YY1: variants seen among roughly 807,000 people sequenced by gnomAD.
YY1 encodes YY1 transcription factor.
Under a neutral mutation model 35.6 loss-of-function variants are expected in YY1, and 2 were observed. That is an observed-to-expected ratio of 0.06 (90% CI 0.02 to 0.18). The LOEUF (loss-of-function observed/expected upper bound fraction) is 0.18, where lower values mean the gene tolerates loss of function less well. Ranked by LOEUF, YY1 falls within the 10% of genes least tolerant of loss-of-function variation. The pLI, the probability that YY1 is intolerant of heterozygous loss-of-function variation, is 1.00. For synonymous variants in YY1, 268 were observed against 238.9 expected, an observed-to-expected ratio of 1.12 and a Z score of -1.12; for missense variants, 322 against 573.4, an observed-to-expected ratio of 0.56 and a Z score of 4.48.
intron 1 of YY1, among the ~76,000 whole-genome samples, chr14:100,248,105 C>T (rs1032109950): frequency 9.2e-5 from 11 of 119,484 alleles, no homozygotes; most frequent in African/African-American, 2.3e-4. Context: ...CCACCACGCC[C>T]GGCTAATTTT....
In YY1 at chr14:100,239,410, G is replaced by C. The variant is rs1320953843; in HGVS notation, c.166G>C (p.Gly56Arg). ...EEDDDDEDGGGGDHGGGGGHG... is the reference protein window; with the variant it reads ...EEDDDDEDGGRGDHGGGGGHG... Reference sequence around the variant, plus strand: ...GGACGACGACGACGAGGACGGCGGCGGTGGCGACCACGGCGGCGGGGGCGG... The same window carrying C: ...GGACGACGACGACGAGGACGGCGGCCGTGGCGACCACGGCGGCGGGGGCGG... Residue 56 changes from glycine (G) to arginine (R), a missense_variant, in exon 1 of 5, where the codon GGT (glycine) becomes CGT (arginine). Physicochemically the swap from Gly to Arg is moderately radical, Grantham distance 125. Around this residue, in one of 4 missense-constraint regions of YY1, gnomAD observed 137 missense variants for 167.0 expected, o/e 0.82. Coordinates refer to ENST00000262238, the MANE Select transcript of YY1 (RefSeq NM_003403.5). 1.3e-6 allele frequency: 2 copies of C among 1,596,812 alleles called. No individual in the cohort carries two copies. The highest frequency in any genetic ancestry group is 1.7e-6 in the Non-Finnish European group (2 of 1,173,016).
intron 2 of YY1, among the ~76,000 whole-genome samples, chr14:100,269,719 A>G (rs1365094220): frequency 1.3e-5 from 2 of 152,214 alleles, no homozygotes; most frequent in Admixed American, 1.3e-4. Flanking sequence ...TTTGCCAAGG[A>G]GCTTAAGAGT....
At chr14:100,275,643 G>C (rs943120408) in intron 3 of YY1, 3 of 152,264 alleles carry the variant, frequency 2.0e-5, no homozygotes, top group Admixed American at 6.5e-5. Context: ...TTGTGTACCA[G>C]TTAAATTTTT....
chr14:100,266,964 C>T (rs1370837710), intron 2 of YY1, among the ~76,000 whole-genome samples: 4 of 152,004 alleles, frequency 2.6e-5, no homozygotes, highest in Admixed American at 6.6e-5. Flanking sequence ...TCCTAGTGCA[C>T]GACAACCAAG....
intron 2 of YY1, among the ~76,000 whole-genome samples, chr14:100,263,064 C>T (rs1286690901): frequency 2.0e-5 from 3 of 152,170 alleles, no homozygotes; most frequent in African/African-American, 7.2e-5. Flanking sequence ...TGTGCCACCA[C>T]GCCCAGCCAA....
Position 100,239,544 on chromosome 14 carries a change from CCAG to C in YY1, c.301_303del (p.Gln101del), listed in dbSNP as rs758783005. On this transcript the variant is annotated inframe_deletion, in exon 1 of 5. Coordinates refer to ENST00000262238, the MANE Select transcript of YY1 (RefSeq NM_003403.5). ...ACGACCCGACCCAGGTGCACCACCACCAGGAGGTGATCCTGGTGCAGACGCGCG... is the reference window on the plus strand; with the variant it reads ...ACGACCCGACCCAGGTGCACCACCACGAGGTGATCCTGGTGCAGACGCGCG... 5 of 1,612,370 alleles carry C rather than the reference CCAG, an allele frequency of 3.1e-6. No individual in the cohort carries two copies. In the Admixed American group the frequency reaches 8.3e-5, roughly 27 times the overall value.
Position 100,278,512 on chromosome 14 carries a change from T to C in YY1, c.*912T>C, listed in dbSNP as rs886496574. On this transcript the variant is annotated 3_prime_UTR_variant, in exon 5 of 5. Transcript: ENST00000262238. ...GATCTGTAAGCACAGTCTTATTTTC[T>C]TTTGTTGTCCAGAATACTTATAATT... 2 of 152,538 alleles carry C rather than the reference T, an allele frequency of 1.3e-5. No homozygotes were observed. The highest frequency in any genetic ancestry group is 4.8e-5 in the African/African-American group (2 of 41,472). 9.4% of individuals were successfully genotyped at this position (152,538 alleles called of 1,614,324 possible).
At position 100,279,481 on chromosome 14, in the gene YY1, TC is replaced by T. The variant is rs1891379208; in HGVS notation, c.*1883del. The T allele has an allele frequency of 6.6e-6, 1 of 152,224 alleles. No individual in the cohort carries two copies. The highest frequency in any genetic ancestry group is 2.4e-5 in the African/African-American group (1 of 41,448). 9.4% of individuals were successfully genotyped at this position (152,224 alleles called of 1,614,324 possible). On this transcript the variant is annotated 3_prime_UTR_variant, in exon 5 of 5. Transcript: ENST00000262238. ...AACTTGAGACCCTTTAAAAAATTCA[TC>T]CAGAATCTGTTACCCCTTGGGTAGT... is the stretch of plus-strand genomic sequence containing the variant.
intron 1 of YY1, among the ~76,000 whole-genome samples, chr14:100,248,203 C>T (rs1046329918): frequency 3.3e-5 from 5 of 149,782 alleles, no homozygotes; most frequent in Non-Finnish European, 5.9e-5. Flanking sequence ...GCAAGCTCCG[C>T]TTCCCGGGTT....
intron 1 of YY1, among the ~76,000 whole-genome samples, chr14:100,261,617 T>C (rs1891087657): frequency 6.6e-6 from 1 of 152,060 alleles, no homozygotes; most frequent in Non-Finnish European, 1.5e-5. Flanking sequence ...ATGACAAAAA[T>C]CACACAGCTA....
intron 2 of YY1, among the ~76,000 whole-genome samples, chr14:100,266,778 G>A (rs946509938): frequency 2.0e-5 from 3 of 152,212 alleles, no homozygotes; most frequent in Admixed American, 2.0e-4. Flanking sequence ...AATGCTTTGA[G>A]AGGAGAAATT....
chr14:100,240,737 A>AG (rs1890725205), intron 1 of YY1, among the ~76,000 whole-genome samples: 1 of 151,460 alleles, frequency 6.6e-6, no homozygotes, highest in Non-Finnish European at 1.5e-5. Context: ...TGCGGTACCT[A>AG]GTGGAAAGGG....
intron 1 of YY1, among the ~76,000 whole-genome samples, chr14:100,260,459 A>G (rs1353047506): frequency 7.7e-6 from 1 of 129,716 alleles, no homozygotes; most frequent in Admixed American, 8.3e-5. Context: ...ACACACACAC[A>G]CATATATGTA....
chr14:100,261,685 G>T (rs1891088339), intron 1 of YY1, among the ~76,000 whole-genome samples: 1 of 152,172 alleles, frequency 6.6e-6, no homozygotes, highest in Non-Finnish European at 1.5e-5. Context: ...GGTTAGGGTA[G>T]ATGGGCCATG....
intron 1 of YY1, among the ~76,000 whole-genome samples, chr14:100,240,546 C>T (rs768596360): frequency 6.6e-6 from 1 of 151,900 alleles, no homozygotes. Context: ...CTCCGGCCTC[C>T]TTGCTCCCCG....
Position 100,280,016 on chromosome 14 carries a change from CTG to C in YY1, c.*2418_*2419del, listed in dbSNP as rs1032330366. ...TAGTCATCACTCCCCTTGACTCTCTCTGTTCACGTCTTCTCAGTCTGCAGAGT... is the reference window on the plus strand; with the variant it reads ...TAGTCATCACTCCCCTTGACTCTCTCTTCACGTCTTCTCAGTCTGCAGAGT... On this transcript the variant is annotated 3_prime_UTR_variant, in exon 5 of 5. Transcript: ENST00000262238. The C allele has an allele frequency of 2.5e-4, 38 of 152,428 alleles. 2 individuals carry two copies. Among genetic ancestry groups the C allele is most frequent in the Admixed American group, 1.2e-3 (18 of 15,310 alleles). The allele number at this position is 152,428 out of a possible 1,614,324, so 9.4% of individuals were successfully genotyped here.
chr14:100,276,505 T>C lies in YY1; in HGVS notation c.919T>C (p.Phe307Leu). 6.2e-7 allele frequency: 1 copy of C among 1,614,236 alleles called. No homozygotes were observed. Among genetic ancestry groups the C allele is most frequent in the Non-Finnish European group, 8.5e-7 (1 of 1,180,052 alleles). ...CTGTTTTAAGGGCTGCACAAAGATG[T>C]TCAGGGATAACTCGGCCATGAGAAA... ...ACPHKGCTKM[F>L]RDNSAMRKHL... The change falls in exon 4 of 5, where the codon TTC becomes CTC. Residue 307 changes from phenylalanine to leucine, a missense_variant. Transcript: ENST00000262238. This position sits in a 1 kb window ranked among gnomAD's most constrained non-coding sequence, Gnocchi z 4.1.
At chr14:100,248,146 C>T (rs138149142) in intron 1 of YY1, among the ~76,000 whole-genome samples, 1,280 of 100,728 alleles carry the variant, frequency 0.013, 32 homozygotes, top group African/African-American at 0.048. Context: ...GAGACAGTCT[C>T]GCTCTGTCAC....
At chr14:100,274,982 G>A (rs1322991752) in intron 3 of YY1, among the ~76,000 whole-genome samples, 2 of 152,268 alleles carry the variant, frequency 1.3e-5, no homozygotes, top group East Asian at 3.9e-4. Context: ...TGATTACTGT[G>A]TGTTGACTCT....
Sources: gnomAD v4.1 joint callset for allele counts (sites outside exome capture counted in the v4.1 genomes callset) on GRCh38, gnomAD v4.1.1 for gene constraint, gnomAD v4.1.1 regional missense constraint, Gnocchi (gnomAD v3.1) non-coding constraint, MANE v1.5 for transcripts, NCBI Gene and HGNC (gene_info 2026-07-23, HGNC 2026-07-21) for gene names.